Variants in IL15RA observed in about 807,000 individuals in gnomAD.
IL15RA encodes interleukin-15 receptor subunit alpha.
IL15RA carries 26 observed loss-of-function variants against 24.2 expected under a neutral mutation model. The observed-to-expected ratio is 1.07, with a 90% CI of 0.79 to 1.49. IL15RA has a LOEUF of 1.49. IL15RA is among the 40% of genes most tolerant of loss of function. The pLI is 0.00. For synonymous variants in IL15RA, 166 were observed against 157.6 expected, an observed-to-expected ratio of 1.05 and a Z score of -0.40; for missense variants, 354 against 356.4, an observed-to-expected ratio of 0.99 and a Z score of 0.05.
intron 1 of IL15RA, chr10:5,976,880 T>C (rs1838541271): frequency 6.6e-6 from 1 of 152,352 alleles, no homozygotes; most frequent in African/African-American, 2.4e-5. Flanking sequence ...GGTGTGCAAC[T>C]TGCCCGACGC....
rs1564507501 is a variant in IL15RA at position 5,966,168 on chromosome 10, G to T, written c.260C>A (p.Thr87Lys). The change falls in exon 2 of 7, where the codon ACA (threonine) becomes AAA (lysine). Residue 87 changes from threonine (T) to lysine (K), a missense_variant. Thr to Lys is a moderately conservative substitution (Grantham distance 78). Transcript: ENST00000379977. This position sits in a 1 kb window ranked among gnomAD's most constrained non-coding sequence, Gnocchi z 6.4. ...LNKATNVAHW[T>K]TPSLKCIRDP... ...ACTAATGCATTTGAGACTGGGGGTT[G>T]TCCAGTGGGCGACATTCGTGGCCTT... 1 of 1,611,216 alleles carries T rather than the reference G, an allele frequency of 6.2e-7. No homozygotes were observed. Among genetic ancestry groups the T allele is most frequent in the East Asian group, 2.2e-5 (1 of 44,768 alleles).
downstream of IL15RA, among the ~76,000 whole-genome samples, chr10:5,950,248 G>A (rs796208177): frequency 7.2e-5 from 11 of 152,262 alleles, no homozygotes; most frequent in Middle Eastern, 3.4e-3. The surrounding 1 kb of genome is among the most constrained non-coding windows in gnomAD (Gnocchi z 5.6). Context: ...CTGAAGACGT[G>A]GGGACTGAAG....
rs982575478 is a variant in IL15RA, at chr10:5,971,551, T to C, written c.89-5212A>G. ...TCCTGTGAGCAGAGTCAGAATGGAC[T>C]CCAACATTCCCCTCGCTTACAGCAC... On this transcript the variant is annotated intron_variant, in intron 1 of 6. Transcript: ENST00000379977. This position sits in a 1 kb window ranked among gnomAD's most constrained non-coding sequence, Gnocchi z 5.5. Among the ~76,000 whole-genome samples the C allele has an allele frequency of 5.3e-5, 8 of 152,204 alleles. No homozygotes were observed. The highest frequency in any genetic ancestry group is 1.9e-4 in the African/African-American group (8 of 41,452).
rs1835885677 is a variant in IL15RA at position 5,963,166 on chromosome 10, G to A, written c.382+577C>T. Among the ~76,000 whole-genome samples the A allele has an allele frequency of 6.6e-6, 1 of 152,204 alleles. No homozygotes were observed. Reference sequence around the variant, plus strand: ...TACAGCAAGCGCCTTGGAAGACGGGGACATGGTCTCCCCTGGAGCAGAGAG... The same window carrying A: ...TACAGCAAGCGCCTTGGAAGACGGGAACATGGTCTCCCCTGGAGCAGAGAG... On this transcript the variant is annotated intron_variant, in intron 3 of 6. Transcript: ENST00000379977. The surrounding 1 kb of genome is among the most constrained non-coding windows in gnomAD (Gnocchi z 5.3).
chr10:5,957,443 T>G (rs1478971809), intron 5 of IL15RA, among the ~76,000 whole-genome samples: 4 of 151,178 alleles, frequency 2.6e-5, no homozygotes, highest in Non-Finnish European at 5.9e-5. Context: ...GCCCGGCTAA[T>G]TTTTGTATTT....
downstream of IL15RA, among the ~76,000 whole-genome samples, chr10:5,950,495 T>C (rs1201203697): frequency 1.3e-5 from 2 of 152,198 alleles, no homozygotes; most frequent in East Asian, 3.8e-4. This position sits in a 1 kb window ranked among gnomAD's most constrained non-coding sequence, Gnocchi z 5.6. Context: ...AAATATTTGC[T>C]GGCATTTACT....
chr10:5,960,407 C>T lies in IL15RA; in HGVS notation c.543G>A (p.Lys181=), dbSNP rs1835303456. ...AGGCGGATGCTGTGAGTTCCCAGTTCTTGGCTGTTGTCTGAGAGGGGGTGC... is the reference window on the plus strand; with the variant it reads ...AGGCGGATGCTGTGAGTTCCCAGTTTTTGGCTGTTGTCTGAGAGGGGGTGC... ...SHGTPSQTTA[K]NWELTASASH... Residue 181 remains lysine, a synonymous_variant, in exon 4 of 7, where the codon AAG becomes AAA. Coordinates refer to ENST00000379977, the MANE Select transcript of IL15RA (RefSeq NM_002189.4). This position sits in a 1 kb window ranked among gnomAD's most constrained non-coding sequence, Gnocchi z 5.1. 1.2e-6 allele frequency: 2 copies of T among 1,613,962 alleles called. No individual in the cohort carries two copies. The highest frequency in any genetic ancestry group is 1.1e-5 in the South Asian group (1 of 91,068).
At position 5,960,387 on chromosome 10, in the gene IL15RA, G is replaced by T; in HGVS notation, c.563C>A (p.Ser188Tyr). The part of the protein sequence containing the change: ...TTAKNWELTA[S>Y]ASHQPPGVYP... The stretch of plus-strand genomic sequence containing the variant: ...CTAACCTGGCGGCTGGTGGGAGGCG[G>T]ATGCTGTGAGTTCCCAGTTCTTGGC... Residue 188 changes from serine (S) to tyrosine (Y), a missense_variant, in exon 4 of 7, where the codon TCC becomes TAC. Coordinates refer to ENST00000379977, the MANE Select transcript of IL15RA (RefSeq NM_002189.4). This position sits in a 1 kb window ranked among gnomAD's most constrained non-coding sequence, Gnocchi z 5.1. 6.2e-7 allele frequency: 1 copy of T among 1,614,084 alleles called. No homozygotes were observed. Among genetic ancestry groups the T allele is most frequent in the Non-Finnish European group, 8.5e-7 (1 of 1,179,982 alleles).
intron 1 of IL15RA, among the ~76,000 whole-genome samples, chr10:5,969,981 A>G (rs1589241569): frequency 6.6e-6 from 1 of 152,198 alleles, no homozygotes; most frequent in Non-Finnish European, 1.5e-5. Context: ...TGTTGCTAGT[A>G]TTTTGCATAT....
chr10:5,977,677 C>A (rs935841971), upstream of IL15RA: 11 of 1,238,312 alleles, frequency 8.9e-6, no homozygotes, highest in African/African-American at 7.8e-5. Context: ...GCGTCCCCAC[C>A]CCTGCTGGGG....
At chr10:5,972,005 G>A (rs1004175990) in intron 1 of IL15RA, among the ~76,000 whole-genome samples, 1 of 152,188 alleles carries the variant, frequency 6.6e-6, no homozygotes, top group African/African-American at 2.4e-5. Context: ...TTTAGGACTC[G>A]AGAAGACATC....
chr10:5,963,777 G>A lies in IL15RA; in HGVS notation c.348C>T (p.Thr116=), dbSNP rs1476164301. The A allele has an allele frequency of 2.0e-6, 3 of 1,527,052 alleles. No individual in the cohort carries two copies. Among genetic ancestry groups the A allele is most frequent in the East Asian group, 2.6e-5 (1 of 38,622 alleles). The allele number at this position is 1,527,052 out of a possible 1,614,324, so 94.6% of individuals were successfully genotyped here. Residue 116 remains threonine, a synonymous_variant, in exon 3 of 7, where the codon ACC becomes ACT. Coordinates refer to ENST00000379977, the MANE Select transcript of IL15RA (RefSeq NM_002189.4). This position sits in a 1 kb window ranked among gnomAD's most constrained non-coding sequence, Gnocchi z 5.3. The part of the protein sequence containing the change: ...PPSTVTTAGV[T]PQPESLSPSG... Reference sequence around the variant, plus strand: ...AAGGGGAGAGGCTCTCTGGCTGTGGGGTCACCCCTGCCGTCGTTACTGTGG... The same window carrying A: ...AAGGGGAGAGGCTCTCTGGCTGTGGAGTCACCCCTGCCGTCGTTACTGTGG...
chr10:5,966,705 C>A lies in IL15RA; in HGVS notation c.89-366G>T, dbSNP rs1836611457. Among the ~76,000 whole-genome samples the A allele has an allele frequency of 6.6e-6, 1 of 152,150 alleles. No individual in the cohort carries two copies. The highest frequency in any genetic ancestry group is 2.4e-5 in the African/African-American group (1 of 41,442). ...TCTCACTGAACGACAGCAAGTGCCT[C>A]CAGATAGGCCCCCTGCAGGCTCTCC... is the stretch of plus-strand genomic sequence containing the variant. On this transcript the variant is annotated intron_variant, in intron 1 of 6. Transcript: ENST00000379977. The surrounding 1 kb of genome is among the most constrained non-coding windows in gnomAD (Gnocchi z 6.4).
downstream of IL15RA, among the ~76,000 whole-genome samples, chr10:5,949,921 C>T (rs1054563291): frequency 3.3e-5 from 5 of 151,960 alleles, no homozygotes; most frequent in African/African-American, 4.8e-5. This position sits in a 1 kb window ranked among gnomAD's most constrained non-coding sequence, Gnocchi z 4.4. Context: ...CATGGTGAAA[C>T]ACTGTCTCTG....
Position 5,967,182 on chromosome 10 carries a change from C to T in IL15RA, c.89-843G>A, listed in dbSNP as rs1836716309. ...CAAGATCGGGCCTTGCCTTGTCTTG[C>T]CTTGCCTTACCTTGCCTTACCTTGC... On this transcript the variant is annotated intron_variant, in intron 1 of 6. Transcript: ENST00000379977. The surrounding 1 kb of genome is among the most constrained non-coding windows in gnomAD (Gnocchi z 4.4). 6.6e-6 allele frequency among the ~76,000 whole-genome samples: 1 copy of T among 151,732 alleles called. No individual in the cohort carries two copies. Among genetic ancestry groups the T allele is most frequent in the Non-Finnish European group, 1.5e-5 (1 of 67,832 alleles).
chr10:5,955,589 A>G lies in IL15RA; in HGVS notation c.692+790T>C, dbSNP rs187526748. On this transcript the variant is annotated intron_variant, in intron 6 of 6. Coordinates refer to ENST00000379977, the MANE Select transcript of IL15RA (RefSeq NM_002189.4). The surrounding 1 kb of genome is among the most constrained non-coding windows in gnomAD (Gnocchi z 5.3). ...CATTTGAGGCTTTAATCAAAGAATAATAATACTGCCTAAAGATTAAAAAAA... is the reference window on the plus strand; with the variant it reads ...CATTTGAGGCTTTAATCAAAGAATAGTAATACTGCCTAAAGATTAAAAAAA... Among the ~76,000 whole-genome samples the G allele has an allele frequency of 3.1e-4, 47 of 152,328 alleles. No homozygotes were observed. The East Asian group carries it at 8.5e-3, about 27-fold the overall frequency.
At chr10:5,969,087 T>C (rs1252532183) in intron 1 of IL15RA, among the ~76,000 whole-genome samples, 2 of 152,198 alleles carry the variant, frequency 1.3e-5, no homozygotes, top group Non-Finnish European at 2.9e-5. Context: ...TCTGTTTGTT[T>C]TGACACCAAT....
downstream of IL15RA, chr10:5,952,255 T>G (rs1564478953): frequency 6.6e-6 from 1 of 152,452 alleles, no homozygotes; most frequent in African/African-American, 2.4e-5. Context: ...GAGCCAGCTT[T>G]AGGCAAGGCT....
At position 5,975,862 on chromosome 10, in the gene IL15RA, C is replaced by T. The variant is rs1389558589; in HGVS notation, c.88+1543G>A. Among the ~76,000 whole-genome samples, 1 of 152,056 alleles carries T rather than the reference C, an allele frequency of 6.6e-6. No homozygotes were observed. Among genetic ancestry groups the T allele is most frequent in the African/African-American group, 2.4e-5 (1 of 41,404 alleles). ...GAGCTGAGATCGCGCTACTGCACCCCAGCCGGGGTGACAGAGTGAGACTCC... is the reference window on the plus strand; with the variant it reads ...GAGCTGAGATCGCGCTACTGCACCCTAGCCGGGGTGACAGAGTGAGACTCC... On this transcript the variant is annotated intron_variant, in intron 1 of 6. Coordinates refer to ENST00000379977, the MANE Select transcript of IL15RA (RefSeq NM_002189.4). This position sits in a 1 kb window ranked among gnomAD's most constrained non-coding sequence, Gnocchi z 4.8.
Sources: gnomAD v4.1 joint callset for allele counts (sites outside exome capture counted in the v4.1 genomes callset) on GRCh38, gnomAD v4.1.1 for gene constraint, Gnocchi (gnomAD v3.1) non-coding constraint, MANE v1.5 for transcripts, NCBI Gene and HGNC (gene_info 2026-07-23, HGNC 2026-07-21) for gene names.